FARS2: variants seen among roughly 807,000 people sequenced by gnomAD.
FARS2 encodes the protein phenylalanyl-tRNA synthetase 2, mitochondrial.
FARS2 carries 40 observed loss-of-function variants against 46.4 expected under a neutral mutation model. That is an observed-to-expected ratio of 0.86 (90% confidence interval 0.67 to 1.12). The LOEUF is 1.12. Ranked by LOEUF, FARS2 falls within the 50% of genes most tolerant of loss-of-function variation. FARS2 has a pLI of 0.00. For synonymous variants in FARS2, 234 were observed against 214.9 expected, an observed-to-expected ratio of 1.09 and a Z score of -0.78; for missense variants, 513 against 567.9, an observed-to-expected ratio of 0.90 and a Z score of 0.98.
At chr6:5,527,966 A>G (rs1257097843) in intron 4 of FARS2, among the ~76,000 whole-genome samples, 2 of 152,176 alleles carry the variant, frequency 1.3e-5, no homozygotes, top group Non-Finnish European at 2.9e-5. Context: ...TCAAAGGGAG[A>G]TGTAGGAGGT....
intron 4 of FARS2, among the ~76,000 whole-genome samples, chr6:5,527,242 A>G (rs561956176): frequency 6.6e-6 from 1 of 152,254 alleles, no homozygotes; most frequent in Non-Finnish European, 1.5e-5. Flanking sequence ...CACAGCAATA[A>G]AGTCTCATGG....
chr6:5,293,679 C>T (rs749830830), intron 1 of FARS2, among the ~76,000 whole-genome samples: 3 of 152,060 alleles, frequency 2.0e-5, no homozygotes, highest in African/African-American at 4.8e-5. Flanking sequence ...ACTCCATGTA[C>T]GATTTTTTTT....
At chr6:5,747,548 C>A (rs898015882) in intron 6 of FARS2, among the ~76,000 whole-genome samples, 1 of 152,168 alleles carries the variant, frequency 6.6e-6, no homozygotes, top group Non-Finnish European at 1.5e-5. Context: ...CTGTTGGTCT[C>A]ACAGGCCAAC....
intron 6 of FARS2, among the ~76,000 whole-genome samples, chr6:5,647,534 T>TGTC (rs1246946749): frequency 1.3e-5 from 2 of 152,236 alleles, no homozygotes; most frequent in Non-Finnish European, 2.9e-5. Context: ...TCTAAAAAGT[T>TGTC]TTGACAACTG....
intron 6 of FARS2, among the ~76,000 whole-genome samples, chr6:5,741,725 A>G (rs930664594): frequency 3.9e-5 from 6 of 152,104 alleles, no homozygotes; most frequent in African/African-American, 1.4e-4. Context: ...ATCTCGGCTC[A>G]CTGCAACCTC....
chr6:5,353,228 CAATTT>C (rs1757688060), intron 1 of FARS2, among the ~76,000 whole-genome samples: 1 of 152,102 alleles, frequency 6.6e-6, no homozygotes, highest in Admixed American at 6.5e-5. Flanking sequence ...CTGTAAATGA[CAATTT>C]AATTCTTTTT....
chr6:5,591,242 T>C (rs1773901600), intron 5 of FARS2, among the ~76,000 whole-genome samples: 1 of 152,228 alleles, frequency 6.6e-6, no homozygotes, highest in South Asian at 2.1e-4. Flanking sequence ...AAATGAAGTT[T>C]AGGTGTCTGA....
intron 6 of FARS2, among the ~76,000 whole-genome samples, chr6:5,691,918 C>G (rs112910705): frequency 0.017 from 2,659 of 152,312 alleles, 67 homozygotes; most frequent in African/African-American, 0.057. Flanking sequence ...TCGCTGCCAC[C>G]TTGCAGTTTG....
intron 6 of FARS2, among the ~76,000 whole-genome samples, chr6:5,686,837 A>G (rs1183043167): frequency 6.6e-6 from 1 of 152,156 alleles, no homozygotes; most frequent in Admixed American, 6.5e-5. Flanking sequence ...AAGTGTTCCT[A>G]TTTCTCCACA....
At position 5,559,299 on chromosome 6, in the gene FARS2, G is replaced by A. The variant is rs1402681278; in HGVS notation, c.1065+13959G>A. Reference sequence around the variant, plus strand: ...GTGCACCTGTGGTACCAGCTGCTTGGTTGGCCAGGCAGGAATATTGCTTGA... The same window carrying A: ...GTGCACCTGTGGTACCAGCTGCTTGATTGGCCAGGCAGGAATATTGCTTGA... On this transcript the variant is annotated intron_variant, in intron 5 of 6. Coordinates refer to ENST00000274680, the MANE Select transcript of FARS2 (RefSeq NM_006567.5). Among the ~76,000 whole-genome samples, 6 of 152,118 alleles carry A rather than the reference G, an allele frequency of 3.9e-5. No individual in the cohort carries two copies. In the East Asian group the frequency reaches 1.2e-3, roughly 29 times the overall value.
At chr6:5,286,815 G>T (rs1767150118) in intron 1 of FARS2, among the ~76,000 whole-genome samples, 1 of 152,204 alleles carries the variant, frequency 6.6e-6, no homozygotes, top group Non-Finnish European at 1.5e-5. Flanking sequence ...GTGTATGTGT[G>T]TGAGAGAGAA....
At chr6:5,624,760 G>A (rs1775947161) in intron 6 of FARS2, among the ~76,000 whole-genome samples, 2 of 152,112 alleles carry the variant, frequency 1.3e-5, no homozygotes, top group Non-Finnish European at 2.9e-5. Flanking sequence ...CACACACCAA[G>A]AGCAACCTGT....
intron 1 of FARS2, among the ~76,000 whole-genome samples, chr6:5,341,235 A>ATATATATATTTTT (rs1561970178): frequency 9.7e-5 from 1 of 10,270 alleles, no homozygotes; most frequent in Non-Finnish European, 2.0e-4. Context: ...ATATATATAT[A>ATATATATATTTTT]TTTTTTTTTT....
chr6:5,275,496 C>G (rs1766272591), intron 1 of FARS2, among the ~76,000 whole-genome samples: 1 of 151,880 alleles, frequency 6.6e-6, no homozygotes, highest in African/African-American at 2.4e-5. Context: ...GGGCTGGGAC[C>G]ATGTCTATTT....
chr6:5,619,450 C>G (rs1561756898), intron 6 of FARS2, among the ~76,000 whole-genome samples: 1 of 152,086 alleles, frequency 6.6e-6, no homozygotes, highest in Admixed American at 6.5e-5. Flanking sequence ...TGCTCACAGT[C>G]GCAGATGGGG....
At chr6:5,576,425 A>G (rs1396082105) in intron 5 of FARS2, among the ~76,000 whole-genome samples, 1 of 152,000 alleles carries the variant, frequency 6.6e-6, no homozygotes, top group East Asian at 1.9e-4. Context: ...GCTCTCAAAC[A>G]TCAGACTCCA....
chr6:5,537,696 G>A (rs1371098336), intron 4 of FARS2, among the ~76,000 whole-genome samples: 1 of 152,228 alleles, frequency 6.6e-6, no homozygotes, highest in Non-Finnish European at 1.5e-5. Flanking sequence ...CTTTGCAAAT[G>A]CTTCCCTCTC....
intron 4 of FARS2, among the ~76,000 whole-genome samples, chr6:5,443,599 C>G (rs1283138116): frequency 6.6e-6 from 1 of 152,164 alleles, no homozygotes; most frequent in African/African-American, 2.4e-5. Flanking sequence ...TTGCTGGTTC[C>G]AGAACAGTAA....
chr6:5,493,185 G>A (rs1165180162), intron 4 of FARS2, among the ~76,000 whole-genome samples: 1 of 148,994 alleles, frequency 6.7e-6, no homozygotes, highest in Admixed American at 6.7e-5. Context: ...CTCCAGCCTG[G>A]GTGACAAGAG....
Sources: gnomAD v4.1 joint callset for allele counts (sites outside exome capture counted in the v4.1 genomes callset) on GRCh38, gnomAD v4.1.1 for gene constraint, MANE v1.5 for transcripts, NCBI Gene and HGNC (gene_info 2026-07-23, HGNC 2026-07-21) for gene names.